Variants in TRAF5 observed in about 807,000 individuals in gnomAD.
TRAF5 encodes TNF receptor associated factor 5, also known as TNF receptor-associated factor 5.
Under a neutral mutation model 64.5 loss-of-function variants are expected in TRAF5, and 48 were observed. The ratio of observed to expected loss-of-function variants is 0.74; its 90% CI spans 0.59 to 0.95. The LOEUF (loss-of-function observed/expected upper bound fraction) is 0.95. Ranked by LOEUF, TRAF5 falls within the 40% of genes least tolerant of loss-of-function variation. TRAF5 has a pLI of 0.00. For missense variants in TRAF5, 545 were observed against 662.8 expected (o/e 0.82, Z 1.95); for synonymous variants, 206 against 240.5 (o/e 0.86, Z 1.33).
At chr1:211,351,170 G>A (rs947536288) in intron 1 of TRAF5, among the ~76,000 whole-genome samples, 23 of 151,954 alleles carry the variant, frequency 1.5e-4, no homozygotes, top group African/African-American at 5.3e-4. Context: ...GGGACTACAG[G>A]CACCTGCCAC....
chr1:211,327,601 G>T (rs1180628306), intron 1 of TRAF5, among the ~76,000 whole-genome samples: 1 of 152,118 alleles, frequency 6.6e-6, no homozygotes, highest in Non-Finnish European at 1.5e-5. Flanking sequence ...TTCCTGTTCT[G>T]CAGGGTCTTG....
At chr1:211,365,936 A>G (rs572955127) in intron 8 of TRAF5, among the ~76,000 whole-genome samples, 10 of 152,364 alleles carry the variant, frequency 6.6e-5, no homozygotes, top group East Asian at 1.9e-4. Context: ...AAATTTTGTG[A>G]TAAGTCTAAA....
chr1:211,326,737 T>G (rs1702021195), upstream of TRAF5: 2 of 985,664 alleles, frequency 2.0e-6, no homozygotes, highest in Non-Finnish European at 2.4e-6. This position sits in a 1 kb window ranked among gnomAD's most constrained non-coding sequence, Gnocchi z 5.0. Context: ...TTCCTGCGCG[T>G]CCGCTCTTCC....
intron 1 of TRAF5, among the ~76,000 whole-genome samples, chr1:211,331,444 A>G (rs1488470122): frequency 1.3e-5 from 2 of 152,202 alleles, no homozygotes; most frequent in African/African-American, 4.8e-5. Flanking sequence ...AGAAATAGTA[A>G]TGTGTGCCAC....
rs929405408 is a variant in TRAF5 at position 211,372,020 on chromosome 1, C to G, written c.1100-108C>G. The G allele has an allele frequency of 7.6e-5, 71 of 933,498 alleles. No homozygotes were observed. The African/African-American group carries it at 1.2e-3, about 15-fold the overall frequency. 57.8% of individuals were successfully genotyped at this position (933,498 alleles called of 1,614,324 possible). On this transcript the variant is annotated intron_variant, in intron 10 of 10. Coordinates refer to ENST00000261464, the MANE Select transcript of TRAF5 (RefSeq NM_001033910.3). ...TGAATTCAGCTCATCTTTAGGATGG[C>G]AGGATTTTGTTGATTCTCTTTCAGG...
At position 211,365,522 on chromosome 1, in the gene TRAF5, A is replaced by C. The variant is rs570680060; in HGVS notation, c.789+54A>C. The C allele has an allele frequency of 3.6e-6, 5 of 1,392,778 alleles. No homozygotes were observed. In the African/African-American group the frequency reaches 7.2e-5, roughly 20 times the overall value. The allele number at this position is 1,392,778 out of a possible 1,614,324, so 86.3% of individuals were successfully genotyped here. On this transcript the variant is annotated intron_variant, in intron 8 of 10. Coordinates refer to ENST00000261464, the MANE Select transcript of TRAF5 (RefSeq NM_001033910.3). The stretch of plus-strand genomic sequence containing the variant: ...TGAGGCAACAGAATTGCTGGGATTT[A>C]CCTGCTCTATGCTGGTATTTTTCTA...
intron 4 of TRAF5, 93 bp downstream of exon 4, chr1:211,356,561 G>T (rs979376430): frequency 7.1e-6 from 8 of 1,125,210 alleles, no homozygotes; most frequent in African/African-American, 1.5e-5. Context: ...GCTAAGCATG[G>T]TACAGGGATT....
intron 7 of TRAF5, among the ~76,000 whole-genome samples, chr1:211,363,948 A>G (rs1456856593): frequency 6.7e-6 from 1 of 148,286 alleles, no homozygotes; most frequent in Non-Finnish European, 1.5e-5. Flanking sequence ...ATTGCTTTCT[A>G]GCTCTAAAAA....
At chr1:211,353,174 T>A in intron 1 of TRAF5, 65 bp from the exon 2 acceptor site, 2 of 1,443,746 alleles carry the variant, frequency 1.4e-6, no homozygotes, top group Non-Finnish European at 1.9e-6. Context: ...CCAAAGCATC[T>A]GATGGCTGTG....
At chr1:211,347,913 C>G (rs1271534031) in intron 1 of TRAF5, among the ~76,000 whole-genome samples, 2 of 152,156 alleles carry the variant, frequency 1.3e-5, no homozygotes, top group Non-Finnish European at 2.9e-5. Flanking sequence ...TGAAATTAGC[C>G]ATAGTGGAAG....
chr1:211,342,246 C>T lies in TRAF5; in HGVS notation c.-1-10993C>T, dbSNP rs138685241. Reference sequence around the variant, plus strand: ...CAACCCCTGATGTATATAGTATTGACGTATTTAATCTTAAGAAGTTCTATG... The same window carrying T: ...CAACCCCTGATGTATATAGTATTGATGTATTTAATCTTAAGAAGTTCTATG... On this transcript the variant is annotated intron_variant, in intron 1 of 10. Transcript: ENST00000261464. Among the ~76,000 whole-genome samples, 486 of 152,242 alleles carry T rather than the reference C, an allele frequency of 3.2e-3. 2 individuals are homozygous for T. Among genetic ancestry groups the T allele is most frequent in the African/African-American group, 0.011 (465 of 41,526 alleles).
intron 1 of TRAF5, among the ~76,000 whole-genome samples, chr1:211,349,469 C>G (rs576969660): frequency 6.6e-6 from 1 of 152,300 alleles, no homozygotes; most frequent in African/African-American, 2.4e-5. Flanking sequence ...AATAACCTAG[C>G]TAGTTCCTTT....
chr1:211,353,113 T>A (rs1572073886), intron 1 of TRAF5, 126 bp from the exon 2 acceptor site: 1 of 963,990 alleles, frequency 1.0e-6, no homozygotes, highest in East Asian at 2.5e-5. Context: ...TGTTTCAGAG[T>A]CACAACAGAA....
intron 4 of TRAF5, chr1:211,358,777 T>C (rs1703070122): frequency 6.8e-6 from 1 of 146,000 alleles, no homozygotes; most frequent in Non-Finnish European, 1.5e-5. Flanking sequence ...GTAATCATTC[T>C]CTAATATTAA....
chr1:211,358,346 G>A (rs1703047182), intron 4 of TRAF5: 1 of 151,940 alleles, frequency 6.6e-6, no homozygotes, highest in South Asian at 2.1e-4. Context: ...CATGGTAGCT[G>A]GTGTCTGTAA....
rs188669763 is a variant in TRAF5 at position 211,334,475 on chromosome 1, G to A, written c.-2+7586G>A. Among the ~76,000 whole-genome samples, 453 of 152,262 alleles carry A rather than the reference G, an allele frequency of 3.0e-3. 2 individuals carry two copies. The highest frequency in any genetic ancestry group is 0.01 in the African/African-American group (428 of 41,550). The stretch of plus-strand genomic sequence containing the variant: ...AGATTGAGACCATCCTGGCTAACAC[G>A]GTGAAACTCCGTCTTTACTAAAAAT... On this transcript the variant is annotated intron_variant, in intron 1 of 10. Coordinates refer to ENST00000261464, the MANE Select transcript of TRAF5 (RefSeq NM_001033910.3).
rs994742781 is a variant in TRAF5 at position 211,361,300 on chromosome 1, C to A, written c.696+138C>A. The A allele has an allele frequency of 5.8e-5, 42 of 724,680 alleles. No individual in the cohort carries two copies. The East Asian group carries it at 9.9e-4, about 17-fold the overall frequency. 44.9% of individuals were successfully genotyped at this position (724,680 alleles called of 1,614,324 possible). On this transcript the variant is annotated intron_variant, in intron 7 of 10. Transcript: ENST00000261464. Reference sequence around the variant, plus strand: ...ATTTAAGGCTAATTATTTTAGAGTTCTCCAGAGAAACAGAACCAATGGGAT... The same window carrying A: ...ATTTAAGGCTAATTATTTTAGAGTTATCCAGAGAAACAGAACCAATGGGAT...
intron 1 of TRAF5, among the ~76,000 whole-genome samples, chr1:211,351,262 A>T (rs1702779251): frequency 6.6e-6 from 1 of 151,498 alleles, no homozygotes; most frequent in South Asian, 2.1e-4. Flanking sequence ...TCCTGACCTC[A>T]TGATCCGCCT....
At chr1:211,326,673 G>T (rs2102701201), upstream of TRAF5, 1 of 986,076 alleles carries the variant, frequency 1.0e-6, no homozygotes, top group East Asian at 1.1e-4. The surrounding 1 kb of genome is among the most constrained non-coding windows in gnomAD (Gnocchi z 5.0). Context: ...TTCTGAAGCG[G>T]GTAGGTTAGC....
Sources: allele counts gnomAD v4.1 joint callset (sites outside exome capture counted in the v4.1 genomes callset), GRCh38; gene constraint gnomAD v4.1.1; non-coding constraint Gnocchi (gnomAD v3.1); transcripts MANE v1.5; gene names NCBI Gene and HGNC (gene_info 2026-07-23, HGNC 2026-07-21).